The following RNF34 variants were observed in gnomAD, a reference collection of about 807,000 sequenced individuals.
The protein encoded by RNF34 is ring finger protein 34, also known as E3 ubiquitin-protein ligase RNF34.
A neutral mutation model predicts 37.9 loss-of-function variants in RNF34; 12 were observed. The ratio of observed to expected loss-of-function variants is 0.32; its 90% CI spans 0.20 to 0.51. RNF34 has a LOEUF of 0.51. RNF34 is among the 20% of genes least tolerant of loss of function. The pLI is 0.97. For synonymous variants in RNF34, 155 were observed against 177.2 expected (o/e 0.87, Z 1.00); for missense variants, 362 against 472.7 (o/e 0.77, Z 2.17).
chr12:121,423,377 G>A lies in RNF34; in HGVS notation c.929-9G>A. 6.3e-7 allele frequency: 1 copy of A among 1,596,230 alleles called. No individual in the cohort carries two copies. The highest frequency in any genetic ancestry group is 8.6e-7 in the Non-Finnish European group (1 of 1,169,538). On this transcript the variant is annotated splice_polypyrimidine_tract_variant and intron_variant, in intron 5 of 5. Transcript: ENST00000361234. The surrounding 1 kb of genome is among the most constrained non-coding windows in gnomAD (Gnocchi z 4.3). ...GAAGCCGAGGCCTTAGCTCTCTGTT[G>A]CCTTTCAGATGGCGAGCGGCTGCAG...
chr12:121,422,961 CT>C (rs1566237024), intron 5 of RNF34, among the ~76,000 whole-genome samples: 1 of 152,168 alleles, frequency 6.6e-6, no homozygotes, highest in African/African-American at 2.4e-5. Flanking sequence ...GCTCCAGAGA[CT>C]GTGGTGTTCC....
intron 5 of RNF34, among the ~76,000 whole-genome samples, chr12:121,422,674 A>G (rs1872269200): frequency 6.6e-6 from 1 of 152,238 alleles, no homozygotes; most frequent in East Asian, 1.9e-4. Flanking sequence ...TGACCTGTAG[A>G]AAGGGAAGCA....
At chr12:121,402,908 G>A in intron 1 of RNF34, 2 of 837,700 alleles carry the variant, frequency 2.4e-6, no homozygotes, top group South Asian at 1.4e-5. Flanking sequence ...ATCTGTTTTT[G>A]CAACCTGCTT....
At chr12:121,401,871 T>G (rs1483848318) in intron 1 of RNF34, among the ~76,000 whole-genome samples, 4 of 152,208 alleles carry the variant, frequency 2.6e-5, no homozygotes, top group Admixed American at 6.5e-5. Flanking sequence ...AAGCAAAATA[T>G]GGACCTGAAT....
chr12:121,410,147 T>A (rs1414850800), intron 1 of RNF34, among the ~76,000 whole-genome samples: 1 of 144,062 alleles, frequency 6.9e-6, no homozygotes, highest in Non-Finnish European at 1.5e-5. Context: ...AGAGCGAAAC[T>A]CCGTCTCAAA....
At chr12:121,404,431 G>C (rs995063583) in intron 1 of RNF34, among the ~76,000 whole-genome samples, 4 of 67,404 alleles carry the variant, frequency 5.9e-5, no homozygotes, top group Non-Finnish European at 1.1e-4. Context: ...GTCTCTCTTT[G>C]TTGCCCAGGC....
rs146497196 is a variant in RNF34 at position 121,416,350 on chromosome 12, G to T, written c.198G>T (p.Gly66=). Reference sequence around the variant, plus strand: ...CCAACATAGTTTGTAAAGCCTGTGGGCTTTCATTTTCAGTCTTTAGAAAGA... The same window carrying T: ...CCAACATAGTTTGTAAAGCCTGTGGTCTTTCATTTTCAGTCTTTAGAAAGA... ...EGPNIVCKAC[G]LSFSVFRKKH... Residue 66 remains glycine (G), a synonymous_variant, in exon 2 of 6, where the codon GGG becomes GGT. Coordinates refer to ENST00000361234, the MANE Select transcript of RNF34 (RefSeq NM_025126.4). 5.4e-5 allele frequency: 87 copies of T among 1,613,582 alleles called. No homozygotes were observed. The highest frequency in any genetic ancestry group is 6.7e-5 in the Non-Finnish European group (79 of 1,179,668).
intron 1 of RNF34, among the ~76,000 whole-genome samples, chr12:121,415,944 TAAAC>T (rs1444614213): frequency 9.2e-5 from 14 of 152,062 alleles, no homozygotes; most frequent in African/African-American, 3.4e-4. Context: ...CTCTTTTTGT[TAAAC>T]AAGAGATCAT....
intron 1 of RNF34, among the ~76,000 whole-genome samples, chr12:121,404,390 T>TC (rs1470153469): frequency 1.1e-5 from 1 of 92,982 alleles, no homozygotes; most frequent in Admixed American, 9.9e-5. Flanking sequence ...ATTTAATCTT[T>TC]TTTTTTTTTT....
chr12:121,409,645 C>T (rs1870860238), intron 1 of RNF34: 1 of 152,146 alleles, frequency 6.6e-6, no homozygotes, highest in African/African-American at 2.4e-5. Context: ...GGCCTGGGAC[C>T]CCAGGAATCA....
intron 1 of RNF34, among the ~76,000 whole-genome samples, chr12:121,411,040 TC>T (rs1215087198): frequency 2.0e-5 from 3 of 152,112 alleles, no homozygotes; most frequent in Non-Finnish European, 4.4e-5. Context: ...GCTCAAGAGA[TC>T]CTTTTGCCTC....
At chr12:121,406,377 T>C (rs1870537300) in intron 1 of RNF34, among the ~76,000 whole-genome samples, 1 of 151,942 alleles carries the variant, frequency 6.6e-6, no homozygotes. Context: ...AGCCTCCGCC[T>C]CCCATTTCAA....
chr12:121,406,576 C>T lies in RNF34; in HGVS notation c.6+6358C>T, dbSNP rs547820821. On this transcript the variant is annotated intron_variant, in intron 1 of 5. Coordinates refer to ENST00000361234, the MANE Select transcript of RNF34 (RefSeq NM_025126.4). ...TGCTAGGATTACAGGCGTGAGCCAC[C>T]GCGCCGGGCTGGTGTTAAGTTTTTA... Among the ~76,000 whole-genome samples, 313 of 152,300 alleles carry T rather than the reference C, an allele frequency of 2.1e-3. 3 individuals carry two copies. Among genetic ancestry groups the T allele is most frequent in the African/African-American group, 7.0e-3 (293 of 41,562 alleles).
intron 1 of RNF34, chr12:121,415,374 A>G: frequency 3.4e-6 from 1 of 292,456 alleles, no homozygotes; most frequent in Non-Finnish European, 7.6e-6. Context: ...TAATCTGAGC[A>G]CTTCAGGAGG....
chr12:121,414,230 TTAAC>T (rs1379768012), intron 1 of RNF34, among the ~76,000 whole-genome samples: 1 of 152,258 alleles, frequency 6.6e-6, no homozygotes, highest in Admixed American at 6.5e-5. Context: ...TGCTGCCATT[TTAAC>T]TAATACCTCA....
chr12:121,410,024 A>G (rs1379737769), intron 1 of RNF34, among the ~76,000 whole-genome samples: 1 of 151,958 alleles, frequency 6.6e-6, no homozygotes, highest in East Asian at 1.9e-4. Flanking sequence ...GCATGGTGGC[A>G]GATGCCTGTA....
chr12:121,404,019 CT>C (rs1283817623), intron 1 of RNF34, among the ~76,000 whole-genome samples: 243 of 141,520 alleles, frequency 1.7e-3, no homozygotes, highest in Middle Eastern at 3.6e-3. Flanking sequence ...TTTTCTGTTT[CT>C]TTTTTTTTTT....
rs1871706216 is a variant in RNF34, at chr12:121,417,743, T to C, written c.465T>C (p.Ser155=). The part of the protein sequence containing the change: ...DLVLCHHGLG[S]EDDMDTSSLN... ...TACTGTGCCATCATGGACTAGGCTC[T>C]GAGGACGACATGGACACAAGCAGTC... Residue 155 remains serine, a synonymous_variant, in exon 3 of 6, where the codon TCT becomes TCC. Coordinates refer to ENST00000361234, the MANE Select transcript of RNF34 (RefSeq NM_025126.4). The surrounding 1 kb of genome is among the most constrained non-coding windows in gnomAD (Gnocchi z 5.0). 1.2e-6 allele frequency: 2 copies of C among 1,614,204 alleles called. No homozygotes were observed. Among genetic ancestry groups the C allele is most frequent in the East Asian group, 4.5e-5 (2 of 44,890 alleles).
chr12:121,418,943 G>A (rs1476483673), intron 3 of RNF34, among the ~76,000 whole-genome samples: 1 of 152,180 alleles, frequency 6.6e-6, no homozygotes. Context: ...CTGACCTCAG[G>A]TTATCTACCT....
Sources: allele counts gnomAD v4.1 joint callset (sites outside exome capture counted in the v4.1 genomes callset), GRCh38; gene constraint gnomAD v4.1.1; non-coding constraint Gnocchi (gnomAD v3.1); transcripts MANE v1.5; gene names NCBI Gene and HGNC (gene_info 2026-07-23, HGNC 2026-07-21).